CEACAM18: variants seen among roughly 807,000 people sequenced by gnomAD.
CEACAM18 encodes CEA cell adhesion molecule 18.
A neutral mutation model predicts 34.3 loss-of-function variants in CEACAM18; 33 were observed. The observed-to-expected ratio is 0.96, with a 90% CI of 0.73 to 1.29. CEACAM18 has a LOEUF of 1.29. Among genes scored for constraint, CEACAM18 ranks in the 50% most tolerant of loss-of-function variants. The probability of loss-of-function intolerance (pLI) is 0.00; values close to 1 mark genes in which losing one functional copy is unlikely to be tolerated. For missense variants in CEACAM18, 474 were observed against 485.0 expected, an observed-to-expected ratio of 0.98 and a Z score of 0.21; for synonymous variants, 169 against 180.9, an observed-to-expected ratio of 0.93 and a Z score of 0.53.
intron 1 of CEACAM18, among the ~76,000 whole-genome samples, chr19:51,479,439 C>T (rs761348448): frequency 9.2e-5 from 14 of 152,200 alleles, no homozygotes; most frequent in Non-Finnish European, 1.9e-4. Flanking sequence ...TACTGAACTC[C>T]CCCTGTGTCC....
At chr19:51,484,681 C>CAT (rs1989971329) in intron 4 of CEACAM18, among the ~76,000 whole-genome samples, 1 of 152,168 alleles carries the variant, frequency 6.6e-6, no homozygotes, top group South Asian at 2.1e-4. Flanking sequence ...GTCACACACC[C>CAT]CCCTTCCAGT....
intron 3 of CEACAM18, among the ~76,000 whole-genome samples, chr19:51,482,391 G>A (rs923299716): frequency 7.2e-5 from 11 of 152,046 alleles, no homozygotes; most frequent in East Asian, 1.9e-4. Context: ...TCACTTTCAC[G>A]TCTCCTGGAA....
At chr19:51,490,889 A>C (rs1990081605) in exon 6 of CEACAM18, 2 of 362,724 alleles carry the variant, frequency 5.5e-6, no homozygotes, top group Middle Eastern at 7.1e-4. Context: ...AATGGGTTGC[A>C]GGTCGGGGCG....
intron 4 of CEACAM18, among the ~76,000 whole-genome samples, chr19:51,483,571 T>C (rs934003821): frequency 2.2e-5 from 3 of 139,302 alleles, no homozygotes; most frequent in African/African-American, 5.7e-5. Context: ...TGTTCTAACC[T>C]GTGTGACTCT....
intron 5 of CEACAM18, among the ~76,000 whole-genome samples, chr19:51,489,750 G>A (rs1040091413): frequency 2.0e-5 from 3 of 152,170 alleles, no homozygotes; most frequent in Non-Finnish European, 4.4e-5. Flanking sequence ...CTCCTATGGG[G>A]ATAAAGTAAG....
At chr19:51,478,942 G>A (rs62115068) in intron 1 of CEACAM18, among the ~76,000 whole-genome samples, 16 of 98,494 alleles carry the variant, frequency 1.6e-4, no homozygotes, top group Admixed American at 3.9e-4. Flanking sequence ...ACACACACAC[G>A]CACACGCACA....
chr19:51,490,461 C>G, intron 5 of CEACAM18, 126 bp from the exon 6 acceptor site: 1 of 682,032 alleles, frequency 1.5e-6, no homozygotes, highest in Non-Finnish European at 2.1e-6. Flanking sequence ...CCATTGGGTC[C>G]CATGTGAGGA....
exon 3 of CEACAM18, chr19:51,481,560 C>T (rs772046807): frequency 6.2e-7 from 1 of 1,614,012 alleles, no homozygotes; most frequent in South Asian, 1.1e-5. Context: ...CGGCAAGACC[C>T]TCGTCATCCT....
exon 3 of CEACAM18, chr19:51,481,426 C>G (rs1204392658): frequency 6.2e-7 from 1 of 1,613,854 alleles, no homozygotes; most frequent in African/African-American, 1.3e-5. Flanking sequence ...TCCGTCAATG[C>G]CAGCTCCCTG....
upstream of CEACAM18, chr19:51,478,579 G>T: frequency 7.0e-7 from 1 of 1,419,984 alleles, no homozygotes; most frequent in Non-Finnish European, 9.8e-7. Context: ...AGGTCTTGGA[G>T]GGAGCAGAGG....
At chr19:51,485,960 G>A (rs1325694355) in intron 5 of CEACAM18, among the ~76,000 whole-genome samples, 11 of 152,210 alleles carry the variant, frequency 7.2e-5, no homozygotes. Context: ...GAGAGTCAGT[G>A]GAGTAGATGT....
At position 51,483,160 on chromosome 19, in the gene CEACAM18, C is replaced by G. The variant is rs200888693; in HGVS notation, c.817C>G (p.Leu273Val). 236 of 1,613,906 alleles carry G rather than the reference C, an allele frequency of 1.5e-4. 1 individual carries two copies. Among genetic ancestry groups the G allele is most frequent in the Non-Finnish European group, 2.0e-4 (231 of 1,179,910 alleles). The change falls in exon 4 of 6, where the codon CTC becomes GTC. Residue 273 changes from leucine to valine, a missense_variant. Coordinates refer to ENST00000396477, the Ensembl canonical transcript of CEACAM18. ...GTACCACTGGATCCACAATGGCTCC[C>G]TCCTGAACTTCTCAGATGCAAAGAT...
chr19:51,485,164 G>T (rs1312171254), intron 5 of CEACAM18, 42 bp downstream of exon 5: 1 of 1,457,666 alleles, frequency 6.9e-7, no homozygotes, highest in Non-Finnish European at 9.0e-7. Context: ...TGTTGGCTGG[G>T]GGCTGGGACT....
intron 1 of CEACAM18, among the ~76,000 whole-genome samples, chr19:51,479,401 G>T (rs369686670): frequency 5.0e-4 from 76 of 152,298 alleles, no homozygotes; most frequent in African/African-American, 1.8e-3. Flanking sequence ...GAAATTCTCG[G>T]GGGAGTATTT....
chr19:51,478,631 C>T, exon 1 of CEACAM18: 1 of 1,570,512 alleles, frequency 6.4e-7, no homozygotes. Flanking sequence ...CCTGGAGGAC[C>T]CCAGGCAGCT....
Position 51,490,638 on chromosome 19 carries a change from AG to A in CEACAM18, c.1144del (p.Ala382GlnfsTer16). The A allele has an allele frequency of 8.1e-7, 1 of 1,232,580 alleles. No individual in the cohort carries two copies. 76.4% of individuals were successfully genotyped at this position (1,232,580 alleles called of 1,614,324 possible). Reference sequence around the variant, plus strand: ...CCCCAGACCTGAGGACAAGACCAGAAGGGCAAGCAGGTGAGGAGAGGGTGAT... The same window carrying A: ...CCCCAGACCTGAGGACAAGACCAGAAGGCAAGCAGGTGAGGAGAGGGTGAT... On this transcript the variant is annotated frameshift_variant, in exon 6 of 6. Transcript: ENST00000396477. LOFTEE classifies it high-confidence loss of function.
chr19:51,486,815 T>C (rs1990011329), intron 5 of CEACAM18, among the ~76,000 whole-genome samples: 1 of 151,328 alleles, frequency 6.6e-6, no homozygotes, highest in South Asian at 2.1e-4. Context: ...CCTCCCAGGT[T>C]CATGCCATTC....
At chr19:51,478,675 G>C in exon 1 of CEACAM18, 1 of 1,479,784 alleles carries the variant, frequency 6.8e-7, no homozygotes, top group Non-Finnish European at 9.0e-7. Flanking sequence ...GGAGCCTGTG[G>C]AGGAGGGTCT....
At chr19:51,490,916 G>A (rs1990082195) in exon 6 of CEACAM18, 1 of 335,282 alleles carries the variant, frequency 3.0e-6, no homozygotes, top group East Asian at 4.5e-5. Flanking sequence ...GCGCAAAGCT[G>A]GGCTCTAATT....
Sources: gnomAD v4.1 joint callset for allele counts (sites outside exome capture counted in the v4.1 genomes callset) on GRCh38, gnomAD v4.1.1 for gene constraint, MANE v1.5 for transcripts, NCBI Gene and HGNC (gene_info 2026-07-23, HGNC 2026-07-21) for gene names.